The following EMC2 variants were observed in gnomAD, a reference collection of about 807,000 sequenced individuals.
EMC2 encodes the protein TPR repeat protein 35.
Under a neutral mutation model 51.6 loss-of-function variants are expected in EMC2, and 37 were observed. The observed-to-expected ratio is 0.72, with a 90% CI of 0.55 to 0.94. The LOEUF is 0.94. Ranked by LOEUF, EMC2 falls within the 40% of genes least tolerant of loss-of-function variation. The pLI is 0.00. For missense variants in EMC2, 359 were observed against 350.9 expected (o/e 1.02, Z -0.18); for synonymous variants, 131 against 112.4 (o/e 1.17, Z -1.04).
intron 5 of EMC2, among the ~76,000 whole-genome samples, chr8:108,468,371 T>C (rs1405037917): frequency 1.3e-5 from 2 of 152,200 alleles, no homozygotes; most frequent in Non-Finnish European, 2.9e-5. Context: ...TTTAAAAATA[T>C]TTGCTTGTGC....
At chr8:108,455,195 T>C (rs1819121265) in intron 4 of EMC2, among the ~76,000 whole-genome samples, 1 of 152,090 alleles carries the variant, frequency 6.6e-6, no homozygotes, top group Admixed American at 6.5e-5. Flanking sequence ...CCATTACATA[T>C]ATATGACATC....
chr8:108,476,297 G>C (rs1442922166), intron 8 of EMC2, among the ~76,000 whole-genome samples: 4 of 151,748 alleles, frequency 2.6e-5, no homozygotes. Flanking sequence ...TGGGAAATTT[G>C]TATTAAAGCC....
intron 5 of EMC2, among the ~76,000 whole-genome samples, chr8:108,459,210 T>C (rs1239204165): frequency 6.6e-6 from 1 of 152,188 alleles, no homozygotes; most frequent in African/African-American, 2.4e-5. Context: ...TTACAAACTT[T>C]CCCACATTTT....
intron 3 of EMC2, among the ~76,000 whole-genome samples, chr8:108,451,685 CTT>C (rs1284415542): frequency 6.6e-6 from 1 of 151,888 alleles, no homozygotes; most frequent in Non-Finnish European, 1.5e-5. Flanking sequence ...CGTTTTATGT[CTT>C]GAGAGAGGTT....
At position 108,479,058 on chromosome 8, in the gene EMC2, A is replaced by G. The variant is rs762529572; in HGVS notation, c.755A>G (p.Asp252Gly). The G allele has an allele frequency of 6.3e-7, 1 of 1,592,110 alleles. No homozygotes were observed. Among genetic ancestry groups the G allele is most frequent in the East Asian group, 2.3e-5 (1 of 43,606 alleles). The change falls in exon 10 of 11, where the codon GAC becomes GGC. Residue 252 changes from aspartate (D) to glycine (G), a missense_variant. Physicochemically the swap from Asp to Gly is moderately conservative, Grantham distance 94. Transcript: ENST00000220853. ...AAAGCAAGTGCAAAAACGAAAAAGG[A>G]CAACATGAAATATGCTAGTTGGGCA... is the stretch of plus-strand genomic sequence containing the variant. ...NPKASAKTKK[D>G]NMKYASWAAS...
chr8:108,469,860 C>T lies in EMC2; in HGVS notation c.398C>T (p.Ala133Val), dbSNP rs748726090. 6.2e-7 allele frequency: 1 copy of T among 1,613,410 alleles called. No homozygotes were observed. ...AAGCGTAAGATTGCCATTCGAAAAG[C>T]CCAGGGGAAAAATGTGGAGGCCATT... ...ARKRKIAIRK[A>V]QGKNVEAIRE... Residue 133 changes from alanine to valine, a missense_variant, in exon 6 of 11, where the codon GCC becomes GTC. Ala to Val is a moderately conservative substitution (Grantham distance 64). Transcript: ENST00000220853.
intron 10 of EMC2, 51 bp downstream of exon 10, chr8:108,479,161 A>G (rs1308315441): frequency 9.0e-7 from 1 of 1,112,108 alleles, no homozygotes; most frequent in Admixed American, 2.4e-5. Flanking sequence ...TGTATTTCTT[A>G]GTTTTGTTAC....
chr8:108,466,526 C>T (rs1819471897), intron 5 of EMC2, among the ~76,000 whole-genome samples: 1 of 135,710 alleles, frequency 7.4e-6, no homozygotes, highest in African/African-American at 2.8e-5. Flanking sequence ...AATTATAGCT[C>T]ACTGTAACCT....
At chr8:108,452,668 A>G (rs1418381021) in intron 3 of EMC2, among the ~76,000 whole-genome samples, 1 of 152,230 alleles carries the variant, frequency 6.6e-6, no homozygotes, top group Non-Finnish European at 1.5e-5. Context: ...GACTACTAAA[A>G]AACTTAGTTC....
At chr8:108,480,282 T>A (rs1319448924) in intron 10 of EMC2, among the ~76,000 whole-genome samples, 3 of 152,156 alleles carry the variant, frequency 2.0e-5, no homozygotes, top group African/African-American at 4.8e-5. Flanking sequence ...ATGAATTTGA[T>A]TCATATTTTT....
intron 7 of EMC2, among the ~76,000 whole-genome samples, chr8:108,471,864 T>C (rs1810863073): frequency 1.3e-5 from 2 of 151,978 alleles, no homozygotes; most frequent in African/African-American, 4.8e-5. Flanking sequence ...TCCTGATTGT[T>C]CCCTAGAATG....
At chr8:108,450,322 TA>T (rs1818985767) in intron 2 of EMC2, 105 bp from the exon 3 acceptor site, 2 of 727,810 alleles carry the variant, frequency 2.7e-6, no homozygotes, top group South Asian at 3.2e-5. Flanking sequence ...AGTTTTCAGT[TA>T]TAAGTAATGT....
intron 5 of EMC2, among the ~76,000 whole-genome samples, chr8:108,458,583 T>G (rs1265044625): frequency 6.6e-6 from 1 of 152,218 alleles, no homozygotes; most frequent in African/African-American, 2.4e-5. Flanking sequence ...AAGCCACTGC[T>G]TGAGCTCTGT....
intron 10 of EMC2, among the ~76,000 whole-genome samples, chr8:108,479,469 A>G (rs1401268190): frequency 6.6e-6 from 1 of 152,164 alleles, no homozygotes; most frequent in African/African-American, 2.4e-5. Context: ...ATCTCAAGAA[A>G]TAGAAAAGAA....
intron 5 of EMC2, 48 bp from the exon 6 acceptor site, chr8:108,469,778 C>A: frequency 6.7e-7 from 1 of 1,486,418 alleles, no homozygotes; most frequent in Non-Finnish European, 9.4e-7. Context: ...CTTTACAAAA[C>A]CCCAAGGAAT....
At chr8:108,484,861 A>G (rs1408270940) in intron 10 of EMC2, among the ~76,000 whole-genome samples, 1 of 152,050 alleles carries the variant, frequency 6.6e-6, no homozygotes, top group African/African-American at 2.4e-5. Context: ...CTCAGGGGAA[A>G]TTATAAAAAG....
At chr8:108,457,631 T>A (rs1262866886) in intron 5 of EMC2, among the ~76,000 whole-genome samples, 1 of 152,092 alleles carries the variant, frequency 6.6e-6, no homozygotes, top group African/African-American at 2.4e-5. Context: ...TATCAGAGAC[T>A]CTTTCACTAT....
chr8:108,449,375 C>T (rs1240802945), intron 1 of EMC2, among the ~76,000 whole-genome samples: 9 of 151,548 alleles, frequency 5.9e-5, no homozygotes, highest in East Asian at 1.9e-4. Flanking sequence ...TGGGTTCAAG[C>T]GATTCTCCTG....
rs181884984 is a variant in EMC2 at position 108,487,800 on chromosome 8, T to C, written c.*1202T>C. Among the ~76,000 whole-genome samples, 1 of 152,296 alleles carries C rather than the reference T, an allele frequency of 6.6e-6. No individual in the cohort carries two copies. Among genetic ancestry groups the C allele is most frequent in the African/African-American group, 2.4e-5 (1 of 41,562 alleles). On this transcript the variant is annotated 3_prime_UTR_variant, in exon 11 of 11. Coordinates refer to ENST00000220853, the MANE Select transcript of EMC2 (RefSeq NM_014673.5). ...CTTTTGAATAGTTCTGCTAATAAATTATTCTCCATATCTAGTCTAATCTTT... is the reference window on the plus strand; with the variant it reads ...CTTTTGAATAGTTCTGCTAATAAATCATTCTCCATATCTAGTCTAATCTTT...
Sources: gnomAD v4.1 joint callset for allele counts (sites outside exome capture counted in the v4.1 genomes callset) on GRCh38, gnomAD v4.1.1 for gene constraint, MANE v1.5 for transcripts, NCBI Gene and HGNC (gene_info 2026-07-23, HGNC 2026-07-21) for gene names.